The following IQSEC3 variants were observed in gnomAD, a reference collection of about 807,000 sequenced individuals.
The protein encoded by IQSEC3 is IQ motif and SEC7 domain-containing protein 3.
IQSEC3 carries 50 observed loss-of-function variants against 105.4 expected under a neutral mutation model. The observed-to-expected ratio is 0.47, with a 90% CI of 0.38 to 0.60. The LOEUF is 0.60. IQSEC3 is among the 20% of genes least tolerant of loss of function. The pLI, the probability that IQSEC3 is intolerant of heterozygous loss-of-function variation, is 0.00. For missense variants in IQSEC3, 1,415 were observed against 1,630.0 expected, an observed-to-expected ratio of 0.87 and a Z score of 2.27; for synonymous variants, 708 against 746.0, an observed-to-expected ratio of 0.95 and a Z score of 0.83.
In IQSEC3 at chr12:109,084, C is replaced by T. The variant is rs193228870; in HGVS notation, c.623+9870C>T. On this transcript the variant is annotated intron_variant, in intron 2 of 13. Coordinates refer to ENST00000538872, the MANE Select transcript of IQSEC3 (RefSeq NM_001170738.2). ...CATCCTGGCGGACTTCTCCCCAGCA[C>T]GCGCTCTCTCTACTTCAGGGATTGC... Among the ~76,000 whole-genome samples, 133 of 152,374 alleles carry T rather than the reference C, an allele frequency of 8.7e-4. 1 individual carries two copies. In the East Asian group the frequency reaches 0.019, roughly 22 times the overall value.
chr12:119,998 T>C (rs2136958335), intron 2 of IQSEC3, among the ~76,000 whole-genome samples: 1 of 152,244 alleles, frequency 6.6e-6, no homozygotes, highest in South Asian at 2.1e-4. Context: ...GGAGAATAAA[T>C]AATATCTACC....
chr12:103,894 G>C (rs1864550140), intron 2 of IQSEC3, among the ~76,000 whole-genome samples: 1 of 146,674 alleles, frequency 6.8e-6, no homozygotes, highest in Non-Finnish European at 1.5e-5. Flanking sequence ...GCTCGGGAGG[G>C]GAGGCGGGGC....
intron 3 of IQSEC3, among the ~76,000 whole-genome samples, chr12:131,872 T>C (rs2136982573): frequency 6.6e-6 from 1 of 152,290 alleles, no homozygotes; most frequent in South Asian, 2.1e-4. Flanking sequence ...CACACGATGG[T>C]GAACCCGGAA....
chr12:121,775 T>C (rs1865226036), intron 2 of IQSEC3, among the ~76,000 whole-genome samples: 1 of 152,198 alleles, frequency 6.6e-6, no homozygotes, highest in Admixed American at 6.5e-5. Context: ...TGCCATACGA[T>C]TCTAGCTCAG....
intron 3 of IQSEC3, among the ~76,000 whole-genome samples, chr12:126,973 C>A (rs370879529): frequency 1.1e-4 from 16 of 152,282 alleles, no homozygotes; most frequent in African/African-American, 3.9e-4. Flanking sequence ...GACCAAATCC[C>A]CCAAGATACC....
At chr12:90,372 G>A (rs1167943622) in intron 1 of IQSEC3, among the ~76,000 whole-genome samples, 1 of 152,246 alleles carries the variant, frequency 6.6e-6, no homozygotes, top group Admixed American at 6.5e-5. Flanking sequence ...TTCGTGGCTT[G>A]TGCTTTCTGG....
intron 2 of IQSEC3, among the ~76,000 whole-genome samples, chr12:116,082 C>T (rs1381261073): frequency 6.6e-6 from 1 of 152,164 alleles, no homozygotes; most frequent in Admixed American, 6.5e-5. Flanking sequence ...AAACATGGGA[C>T]GTCCCAAAAG....
chr12:109,637 A>G (rs1427231569), intron 2 of IQSEC3, among the ~76,000 whole-genome samples: 1 of 151,628 alleles, frequency 6.6e-6, no homozygotes, highest in Non-Finnish European at 1.5e-5. Flanking sequence ...CAGTTCCCGG[A>G]CCCTGTCCCT....
chr12:110,151 C>CT (rs1864831411), intron 2 of IQSEC3, among the ~76,000 whole-genome samples: 1 of 152,132 alleles, frequency 6.6e-6, no homozygotes, highest in South Asian at 2.1e-4. Flanking sequence ...TTCCAATTTT[C>CT]TTTTTTACTT....
intron 5 of IQSEC3, among the ~76,000 whole-genome samples, chr12:154,643 G>A (rs1352401523): frequency 1.3e-5 from 2 of 152,120 alleles, no homozygotes; most frequent in Admixed American, 6.5e-5. Flanking sequence ...GCATCTGGCC[G>A]CTCCATGCCG....
intron 11 of IQSEC3, chr12:166,909 C>G (rs1938679223): frequency 6.6e-6 from 1 of 152,228 alleles, no homozygotes; most frequent in African/African-American, 2.4e-5. Flanking sequence ...GCTCGGAGTT[C>G]AGCCGCGTGT....
intron 7 of IQSEC3, 50 bp downstream of exon 7, chr12:157,744 C>A: frequency 6.4e-7 from 1 of 1,566,624 alleles, no homozygotes; most frequent in Non-Finnish European, 8.7e-7. Flanking sequence ...GGCTCAGGCC[C>A]CATTCTGTGC....
intron 8 of IQSEC3, 133 bp downstream of exon 8, chr12:162,198 C>T: frequency 1.9e-6 from 2 of 1,032,310 alleles, no homozygotes; most frequent in South Asian, 3.4e-5. Context: ...GAAGTACCTA[C>T]TGTGTGCCAG....
intron 3 of IQSEC3, among the ~76,000 whole-genome samples, chr12:131,312 A>G (rs1235667798): frequency 3.3e-5 from 5 of 152,292 alleles, no homozygotes; most frequent in Non-Finnish European, 5.9e-5. Context: ...AAGTGAGCAG[A>G]GCTGCTCCCT....
At chr12:129,945 T>C (rs1865534985) in intron 3 of IQSEC3, among the ~76,000 whole-genome samples, 1 of 152,078 alleles carries the variant, frequency 6.6e-6, no homozygotes, top group East Asian at 1.9e-4. Context: ...TTTCCTCATG[T>C]GTGAACCAAA....
At chr12:74,054 C>T (rs557813584) in intron 1 of IQSEC3, among the ~76,000 whole-genome samples, 63 of 152,316 alleles carry the variant, frequency 4.1e-4, no homozygotes, top group Non-Finnish European at 6.5e-4. Context: ...AGAACAATCA[C>T]CCCTATTTCC....
At chr12:97,148 T>A (rs556612253) in intron 1 of IQSEC3, among the ~76,000 whole-genome samples, 3 of 152,252 alleles carry the variant, frequency 2.0e-5, no homozygotes, top group Non-Finnish European at 4.4e-5. Context: ...GTTGGCTCTT[T>A]AGGGTTCTCG....
At chr12:173,817 AG>A (rs1205182183) in intron 13 of IQSEC3, among the ~76,000 whole-genome samples, 1 of 152,286 alleles carries the variant, frequency 6.6e-6, no homozygotes, top group East Asian at 1.9e-4. Context: ...AGGGGAGGCC[AG>A]GCTAGTCCAT....
chr12:119,397 T>C, intron 2 of IQSEC3, among the ~76,000 whole-genome samples: 1 of 152,144 alleles, frequency 6.6e-6, no homozygotes, highest in Non-Finnish European at 1.5e-5. Context: ...AAATTTGGCA[T>C]GTGTGAAATC....
Sources: gnomAD v4.1 joint callset for allele counts (sites outside exome capture counted in the v4.1 genomes callset) on GRCh38, gnomAD v4.1.1 for gene constraint, MANE v1.5 for transcripts, NCBI Gene and HGNC (gene_info 2026-07-23, HGNC 2026-07-21) for gene names.